TAF9: variants seen among roughly 807,000 people sequenced by gnomAD.
The protein encoded by TAF9 is transcription initiation factor TFIID subunit 9.
TAF9 carries 10 observed loss-of-function variants against 16.5 expected under a neutral mutation model. That is an observed-to-expected ratio of 0.61 (90% CI 0.37 to 1.03). TAF9 has a LOEUF of 1.03. Ranked by LOEUF, TAF9 falls within the 50% of genes least tolerant of loss-of-function variation. The probability of loss-of-function intolerance (pLI) is 0.01; values close to 1 mark genes in which losing one functional copy is unlikely to be tolerated. For missense variants in TAF9, 288 were observed against 319.1 expected (o/e 0.90, Z 0.74); for synonymous variants, 105 against 120.5 (o/e 0.87, Z 0.84).
Position 69,364,989 on chromosome 5 carries a change from TCTTCAC to T in TAF9, c.743_748del (p.Arg248_Asp250delinsHis). 6.2e-7 allele frequency: 1 copy of T among 1,613,828 alleles called. No individual in the cohort carries two copies. The highest frequency in any genetic ancestry group is 1.1e-5 in the South Asian group (1 of 91,080). ...ATCATCATCATCGTCATCATCATCA[TCTTCAC>T]GTTTTCTTTTCAATGCATTTGATGA... On this transcript the variant is annotated inframe_deletion, in exon 3 of 3. Transcript: ENST00000217893.
intron 2 of TAF9, 79 bp from the exon 3 acceptor site, chr5:69,365,833 A>G (rs1371127848): frequency 9.2e-7 from 1 of 1,083,906 alleles, no homozygotes; most frequent in Non-Finnish European, 1.3e-6. Flanking sequence ...AGGAACTTAA[A>G]AAAATTTTAA....
In TAF9 at chr5:69,366,766, T is replaced by C. The variant is rs576234549; in HGVS notation, c.-110-171A>G. 37 of 487,532 alleles carry C rather than the reference T, an allele frequency of 7.6e-5. 1 individual carries two copies. In the South Asian group the frequency reaches 1.1e-3, roughly 14 times the overall value. The allele number at this position is 487,532 out of a possible 1,614,324, so 30.2% of individuals were successfully genotyped here. On this transcript the variant is annotated intron_variant, in intron 1 of 2. Coordinates refer to ENST00000217893, the MANE Select transcript of TAF9 (RefSeq NM_003187.5). ...TCCTAATTAGCAATCATATGTAAAA[T>C]TTTTTTTTTGAGACAGAGTTTCACT...
intron 1 of TAF9, 131 bp downstream of exon 1, chr5:69,369,332 C>T: frequency 1.0e-6 from 1 of 985,794 alleles, no homozygotes. Context: ...GGGGCGCTGA[C>T]AACCGCCTCG....
At chr5:69,369,551 G>T, upstream of TAF9, 1 of 1,609,548 alleles carries the variant, frequency 6.2e-7, no homozygotes, top group Non-Finnish European at 8.5e-7. Flanking sequence ...ACAGGGAGGA[G>T]CCGGAAGGGG....
chr5:69,366,181 G>C (rs943071325), intron 2 of TAF9, among the ~76,000 whole-genome samples: 3 of 152,154 alleles, frequency 2.0e-5, no homozygotes, highest in African/African-American at 7.2e-5. Flanking sequence ...TATATGTTTA[G>C]CAGTACCAAA....
Position 69,364,998 on chromosome 5 carries a change from TTTC to T in TAF9, c.737_739del (p.Arg246del), listed in dbSNP as rs1333277482. The T allele has an allele frequency of 3.7e-6, 6 of 1,614,024 alleles. No individual in the cohort carries two copies. In the African/African-American group the frequency reaches 4.0e-5, roughly 11 times the overall value. ...ATCGTCATCATCATCATCTTCACGT[TTTC>T]TTTTCAATGCATTTGATGATTCATT... On this transcript the variant is annotated inframe_deletion, in exon 3 of 3. Transcript: ENST00000217893.
At chr5:69,369,308 G>A (rs1580334868) in intron 1 of TAF9, 155 bp downstream of exon 1, 1 of 438,164 alleles carries the variant, frequency 2.3e-6, no homozygotes, top group Non-Finnish European at 3.1e-6. Flanking sequence ...CAACGCCCGC[G>A]AGGGTCGGCT....
chr5:69,368,538 G>A (rs1762621035), intron 1 of TAF9, among the ~76,000 whole-genome samples: 2 of 152,134 alleles, frequency 1.3e-5, no homozygotes, highest in South Asian at 2.1e-4. Context: ...TTCCGCTTAA[G>A]GAATCTAAAA....
chr5:69,365,824 G>A, intron 2 of TAF9, 70 bp from the exon 3 acceptor site: 2 of 1,164,058 alleles, frequency 1.7e-6, no homozygotes, highest in Non-Finnish European at 2.3e-6. Context: ...GCAACTGTCA[G>A]GAACTTAAAA....
rs201579031 is a variant in TAF9, at chr5:69,365,248, T to G, written c.490A>C (p.Thr164Pro). Reference sequence around the variant, plus strand: ...ACAGACATGGTCTGTGGGGTTGGTGTGCCTAGTGTGGGAGTACTTGGTCTG... The same window carrying G: ...ACAGACATGGTCTGTGGGGTTGGTGGGCCTAGTGTGGGAGTACTTGGTCTG... ...TSRPSTPTLG[T>P]PTPQTMSVST... Residue 164 changes from threonine to proline, a missense_variant, in exon 3 of 3, where the codon ACA (threonine) becomes CCA (proline). Thr to Pro is a conservative substitution (Grantham distance 38). Coordinates refer to ENST00000217893, the MANE Select transcript of TAF9 (RefSeq NM_003187.5). 6.2e-7 allele frequency: 1 copy of G among 1,614,222 alleles called. No individual in the cohort carries two copies. The highest frequency in any genetic ancestry group is 2.2e-5 in the East Asian group (1 of 44,884).
chr5:69,369,607 C>G, upstream of TAF9: 1 of 1,583,248 alleles, frequency 6.3e-7, no homozygotes, highest in Non-Finnish European at 8.6e-7. Context: ...CGAAGCCCAC[C>G]GCGGCGCCCC....
At chr5:69,366,671 T>C in intron 1 of TAF9, 76 bp from the exon 2 acceptor site, 2 of 1,111,364 alleles carry the variant, frequency 1.8e-6, no homozygotes, top group South Asian at 2.5e-5. Context: ...CTGCCTTTCC[T>C]TTTATTTTTG....
Position 69,369,488 on chromosome 5 carries a change from C to T in TAF9, c.-136G>A. Reference sequence around the variant, plus strand: ...CGGTGAGCAGGATGTTCGGAAGCAACATGGTCCCCGCCGCGACGGCTTCGG... The same window carrying T: ...CGGTGAGCAGGATGTTCGGAAGCAATATGGTCCCCGCCGCGACGGCTTCGG... On this transcript the variant is annotated 5_prime_UTR_variant, in exon 1 of 3. The change abolishes an upstream ATG in the 5' untranslated region. Transcript: ENST00000217893. 1 of 1,611,512 alleles carries T rather than the reference C, an allele frequency of 6.2e-7. No homozygotes were observed. The highest frequency in any genetic ancestry group is 8.5e-7 in the Non-Finnish European group (1 of 1,179,344).
Position 69,369,468 on chromosome 5 carries a change from A to C in TAF9, c.-116T>G. ...TCCCGGCCGCGCGCCCTGACCGGTG[A>C]GCAGGATGTTCGGAAGCAACATGGT... On this transcript the variant is annotated 5_prime_UTR_variant, in exon 1 of 3. Transcript: ENST00000217893. The C allele has an allele frequency of 6.2e-7, 1 of 1,610,716 alleles. No individual in the cohort carries two copies. The highest frequency in any genetic ancestry group is 8.5e-7 in the Non-Finnish European group (1 of 1,179,188).
Position 69,369,506 on chromosome 5 carries a change from G to T in TAF9, c.-154C>A. On this transcript the variant is annotated 5_prime_UTR_variant, in exon 1 of 3. Transcript: ENST00000217893. ...GAAGCAACATGGTCCCCGCCGCGAC[G>T]GCTTCGGGCGCCTCGCTCACGTGCC... 10 of 1,611,152 alleles carry T rather than the reference G, an allele frequency of 6.2e-6. No homozygotes were observed. Among genetic ancestry groups the T allele is most frequent in the Non-Finnish European group, 8.5e-6 (10 of 1,179,182 alleles).
At position 69,364,761 on chromosome 5, in the gene TAF9, T is replaced by G; in HGVS notation, c.*182A>C. ...CCAACAATCGAATGAATGACAACTT[T>G]ATTTTTCTTACACTTTTAAGGCTGA... On this transcript the variant is annotated 3_prime_UTR_variant, in exon 3 of 3. Transcript: ENST00000217893. 1 of 688,484 alleles carries G rather than the reference T, an allele frequency of 1.5e-6. No individual in the cohort carries two copies. The highest frequency in any genetic ancestry group is 2.5e-5 in the East Asian group (1 of 39,778). 42.6% of individuals were successfully genotyped at this position (688,484 alleles called of 1,614,324 possible). A position where few individuals can be genotyped will look rare whatever the true frequency, so the allele number is the denominator to read the frequency against.
rs534125435 is a variant in TAF9 at position 69,367,989 on chromosome 5, ACT to A, written c.-110-1396_-110-1395del. On this transcript the variant is annotated intron_variant, in intron 1 of 2. Coordinates refer to ENST00000217893, the MANE Select transcript of TAF9 (RefSeq NM_003187.5). ...AGACCAGCCTGGCCAACATAATGAG[ACT>A]CTGTCTCAAACAAAAACAAAAACAA... The A allele has an allele frequency of 3.3e-5, 5 of 152,304 alleles. No homozygotes were observed. In the East Asian group the frequency reaches 5.8e-4, roughly 18 times the overall value. 9.4% of individuals were successfully genotyped at this position (152,304 alleles called of 1,614,324 possible).
upstream of TAF9, chr5:69,369,756 A>G (rs1236920341): frequency 1.3e-6 from 2 of 1,491,620 alleles, no homozygotes; most frequent in Non-Finnish European, 9.1e-7. Context: ...TAAGTCACAC[A>G]CTCCTTCGGT....
intron 1 of TAF9, among the ~76,000 whole-genome samples, chr5:69,367,069 T>G (rs755816570): frequency 1.3e-5 from 2 of 152,016 alleles, no homozygotes; most frequent in Non-Finnish European, 2.9e-5. Context: ...ATATGTAAAT[T>G]AGCATGTACT....
Sources: allele counts gnomAD v4.1 joint callset (sites outside exome capture counted in the v4.1 genomes callset), GRCh38; gene constraint gnomAD v4.1.1; transcripts MANE v1.5; gene names NCBI Gene and HGNC (gene_info 2026-07-23, HGNC 2026-07-21).